The following POC1B variants were observed in gnomAD, a reference collection of about 807,000 sequenced individuals.
POC1B encodes POC1 centriolar protein B.
In POC1B, 44 loss-of-function variants were observed where a neutral mutation model predicts 60.6. The ratio of observed to expected loss-of-function variants is 0.73; its 90% CI spans 0.57 to 0.93. The LOEUF (loss-of-function observed/expected upper bound fraction) is 0.93, where lower values mean the gene tolerates loss of function less well. POC1B is among the 40% of genes least tolerant of loss of function. The probability of loss-of-function intolerance (pLI) is 0.00; values close to 1 mark genes in which losing one functional copy is unlikely to be tolerated. For synonymous variants in POC1B, 180 were observed against 198.9 expected (o/e 0.90, Z 0.80); for missense variants, 555 against 572.3 (o/e 0.97, Z 0.31).
At chr12:89,440,113 A>G (rs1010621181) in intron 10 of POC1B, among the ~76,000 whole-genome samples, 2 of 152,220 alleles carry the variant, frequency 1.3e-5, no homozygotes, top group African/African-American at 2.4e-5. Flanking sequence ...ATGAATGAAC[A>G]ATGTCCATTG....
chr12:89,525,901 G>T lies in POC1B; in HGVS notation c.-6C>A. ...CTTACCGTGGCTGAGGCCATCGGGG[G>T]AGTGGTCGGCCCAAGGCTCCTGTGG... On this transcript the variant is annotated 5_prime_UTR_variant, in exon 1 of 12. Transcript: ENST00000313546. The T allele has an allele frequency of 6.7e-7, 1 of 1,482,404 alleles. No homozygotes were observed. Among genetic ancestry groups the T allele is most frequent in the Non-Finnish European group, 9.0e-7 (1 of 1,110,034 alleles). The allele number at this position is 1,482,404 out of a possible 1,614,324, so 91.8% of individuals were successfully genotyped here.
chr12:89,446,375 TG>T (rs746428383), intron 10 of POC1B, among the ~76,000 whole-genome samples: 3 of 152,130 alleles, frequency 2.0e-5, no homozygotes, highest in Non-Finnish European at 4.4e-5. Flanking sequence ...AACAATAGAC[TG>T]GATTAAGAAA....
chr12:89,513,580 G>A (rs1487835582), intron 2 of POC1B, among the ~76,000 whole-genome samples: 1 of 152,162 alleles, frequency 6.6e-6, no homozygotes, highest in Non-Finnish European at 1.5e-5. Context: ...AAACTTTAAT[G>A]TGGCCCTCTG....
rs1868738365 is a variant in POC1B, at chr12:89,488,024, A to G, written c.452+3912T>C. On this transcript the variant is annotated intron_variant, in intron 4 of 11. Transcript: ENST00000313546. ...TCATCTCTACATACTTAATATAGCT[A>G]TATGGTACAGGGCAGTGACTATACT... Among the ~76,000 whole-genome samples the G allele has an allele frequency of 2.6e-5, 4 of 152,208 alleles. No homozygotes were observed. In the South Asian group the frequency reaches 6.2e-4, roughly 24 times the overall value.
intron 10 of POC1B, among the ~76,000 whole-genome samples, chr12:89,443,067 T>G (rs897873392): frequency 4.6e-5 from 7 of 152,192 alleles, no homozygotes; most frequent in Admixed American, 1.3e-4. Context: ...CCTAAATATA[T>G]ATGCACCCAA....
chr12:89,524,609 GGC>G (rs753409061), intron 2 of POC1B: 829 of 1,563,070 alleles, frequency 5.3e-4, no homozygotes, highest in Non-Finnish European at 6.2e-4. Context: ...GGGGAAGGGC[GGC>G]GGAACCCACA....
chr12:89,453,009 C>A (rs926045566), intron 10 of POC1B, among the ~76,000 whole-genome samples: 4 of 152,086 alleles, frequency 2.6e-5, no homozygotes, highest in African/African-American at 9.7e-5. Context: ...AATATTTTCT[C>A]TCCTTTCTCT....
At chr12:89,524,948 G>A in intron 2 of POC1B, 172 bp downstream of exon 2, 1 of 1,037,138 alleles carries the variant, frequency 9.6e-7, no homozygotes, top group Non-Finnish European at 1.4e-6. Context: ...GGCCGGGATG[G>A]CAGAGGGGGC....
chr12:89,470,929 T>A (rs1190885249), intron 6 of POC1B, among the ~76,000 whole-genome samples: 1 of 152,212 alleles, frequency 6.6e-6, no homozygotes, highest in Non-Finnish European at 1.5e-5. Context: ...CCAGACAGTA[T>A]CCTTCCAACA....
At chr12:89,464,381 TAG>T (rs1365996838) in intron 9 of POC1B, among the ~76,000 whole-genome samples, 3 of 152,032 alleles carry the variant, frequency 2.0e-5, no homozygotes, top group Non-Finnish European at 4.4e-5. Context: ...TAATTTGAAG[TAG>T]AGTCTTTAAA....
At chr12:89,499,875 T>A (rs1248806056) in intron 2 of POC1B, among the ~76,000 whole-genome samples, 1 of 152,254 alleles carries the variant, frequency 6.6e-6, no homozygotes, top group Non-Finnish European at 1.5e-5. Context: ...TAAAAAGACA[T>A]TAACGTGTTT....
At chr12:89,463,972 T>A (rs777513026) in intron 9 of POC1B, among the ~76,000 whole-genome samples, 7 of 152,176 alleles carry the variant, frequency 4.6e-5, no homozygotes, top group Non-Finnish European at 1.0e-4. Context: ...GATTATGCAA[T>A]TCAGATGAGT....
At chr12:89,514,205 G>A (rs1220037314) in intron 2 of POC1B, among the ~76,000 whole-genome samples, 1 of 151,936 alleles carries the variant, frequency 6.6e-6, no homozygotes, top group Non-Finnish European at 1.5e-5. Flanking sequence ...CACAAGATCT[G>A]GTTGTTTAAA....
At chr12:89,467,755 A>G (rs1882739489) in intron 7 of POC1B, 70 bp from the exon 8 acceptor site, 2 of 1,200,500 alleles carry the variant, frequency 1.7e-6, no homozygotes, top group African/African-American at 3.0e-5. Flanking sequence ...AAGACTATGG[A>G]TATCAATTTC....
the POC1B span, among the ~76,000 whole-genome samples, chr12:89,403,076 C>T: frequency 1.3e-4 from 19 of 151,052 alleles, no homozygotes; most frequent in East Asian, 5.9e-4. Context: ...GTCTCCATCT[C>T]GGCTCACTGC....
At chr12:89,470,719 C>A (rs75521373) in intron 6 of POC1B, among the ~76,000 whole-genome samples, 1,815 of 152,276 alleles carry the variant, frequency 0.012, 36 homozygotes, top group African/African-American at 0.042. Context: ...GAAAGGTAAT[C>A]TTATTGACCA....
chr12:89,410,678 CA>C, the POC1B span, among the ~76,000 whole-genome samples: 5,981 of 134,810 alleles, frequency 0.044, 325 homozygotes, highest in East Asian at 0.19. Context: ...GACTCCGTCT[CA>C]AAAAAAAAAA....
chr12:89,503,007 G>A (rs1256436828), intron 2 of POC1B, among the ~76,000 whole-genome samples: 1 of 151,980 alleles, frequency 6.6e-6, no homozygotes, highest in Non-Finnish European at 1.5e-5. Context: ...GTATAGTTGG[G>A]ACATTTGTCT....
chr12:89,425,242 G>A lies in POC1B; in HGVS notation c.1251C>T (p.Pro417=). 3.7e-6 allele frequency: 6 copies of A among 1,614,158 alleles called. No individual in the cohort carries two copies. The highest frequency in any genetic ancestry group is 5.1e-6 in the Non-Finnish European group (6 of 1,180,028). Residue 417 remains proline (P), a synonymous_variant, in exon 11 of 12, where the codon CCC becomes CCT. Coordinates refer to ENST00000313546, the MANE Select transcript of POC1B (RefSeq NM_172240.3). The part of the protein sequence containing the change: ...KKKTEDMSDL[P]CESQRSIPLA... ...GAGGTATGCTCCTTTGACTTTCACAGGGGAGGTCACTCATGTCTTCTGTTT... is the reference window on the plus strand; with the variant it reads ...GAGGTATGCTCCTTTGACTTTCACAAGGGAGGTCACTCATGTCTTCTGTTT...
Sources: gnomAD v4.1 joint callset for allele counts (sites outside exome capture counted in the v4.1 genomes callset) on GRCh38, gnomAD v4.1.1 for gene constraint, MANE v1.5 for transcripts, NCBI Gene and HGNC (gene_info 2026-07-23, HGNC 2026-07-21) for gene names.